Variants in ZBTB16 observed in about 807,000 individuals in gnomAD.
ZBTB16 encodes the protein zinc finger and BTB domain-containing protein 16.
In ZBTB16, 8 loss-of-function variants were observed where a neutral mutation model predicts 56.8. That is an observed-to-expected ratio of 0.14 (90% CI 0.08 to 0.25). The LOEUF (loss-of-function observed/expected upper bound fraction) is 0.25, where lower values mean the gene tolerates loss of function less well. Ranked by LOEUF, ZBTB16 falls within the 10% of genes least tolerant of loss-of-function variation. ZBTB16 has a pLI of 1.00. For synonymous variants in ZBTB16, 363 were observed against 368.5 expected (o/e 0.98, Z 0.17); for missense variants, 625 against 903.0 (o/e 0.69, Z 3.95).
At chr11:114,155,011 C>A (rs151197149) in intron 2 of ZBTB16, among the ~76,000 whole-genome samples, 1 of 151,190 alleles carries the variant, frequency 6.6e-6, no homozygotes, top group Non-Finnish European at 1.5e-5. Flanking sequence ...GTGGGTGGCT[C>A]GGTTTTGCTA....
chr11:114,233,119 ACACACACTCTCTCT>A (rs759989449), intron 4 of ZBTB16, among the ~76,000 whole-genome samples: 1,362 of 61,640 alleles, frequency 0.022, 44 homozygotes, highest in African/African-American at 0.059. Flanking sequence ...ACACACACAC[ACACACACTCTCTCT>A]CTCTCACACT....
intron 4 of ZBTB16, among the ~76,000 whole-genome samples, chr11:114,200,135 A>T (rs924833168): frequency 6.4e-5 from 9 of 140,822 alleles, no homozygotes; most frequent in Non-Finnish European, 1.4e-4. Context: ...CTCAAAAAAA[A>T]AAAAAGAAAA....
In ZBTB16 at chr11:114,250,349, C is replaced by T; in HGVS notation, c.1816C>T (p.Leu606Phe). 1 of 1,613,396 alleles carries T rather than the reference C, an allele frequency of 6.2e-7. No homozygotes were observed. Among genetic ancestry groups the T allele is most frequent in the East Asian group, 2.2e-5 (1 of 44,862 alleles). ...AGGTGAGAAGCCCTTTGAGTGTAAG[C>T]TCTGCCACCAGCGCTCCCGGGACTA... Reference protein sequence around the residue: ...HTGEKPFECKLCHQRSRDYSA... With the variant: ...HTGEKPFECKFCHQRSRDYSA... Residue 606 changes from leucine (L) to phenylalanine (F), a missense_variant, in exon 7 of 7, where the codon CTC (leucine) becomes TTC (phenylalanine). This residue lies in a region of ZBTB16 where 40 missense variants were observed against 93.2 expected (regional missense o/e 0.43). Coordinates refer to ENST00000335953, the MANE Select transcript of ZBTB16 (RefSeq NM_006006.6). The surrounding 1 kb of genome is among the most constrained non-coding windows in gnomAD (Gnocchi z 6.0).
intron 3 of ZBTB16, among the ~76,000 whole-genome samples, chr11:114,172,126 C>A (rs1032496199): frequency 2.6e-5 from 4 of 152,218 alleles, no homozygotes; most frequent in African/African-American, 9.6e-5. Flanking sequence ...TGCTGTGGGT[C>A]CAGCTCCATC....
At chr11:114,144,344 A>G (rs1468711035) in intron 2 of ZBTB16, among the ~76,000 whole-genome samples, 1 of 152,156 alleles carries the variant, frequency 6.6e-6, no homozygotes, top group Non-Finnish European at 1.5e-5. Flanking sequence ...CACACCACAC[A>G]GCCTTGACTG....
intron 2 of ZBTB16, among the ~76,000 whole-genome samples, chr11:114,126,210 G>A (rs1941503427): frequency 1.3e-5 from 2 of 152,194 alleles, no homozygotes; most frequent in South Asian, 4.2e-4. Flanking sequence ...CGTGGATAAT[G>A]CTTTTGTCTA....
In ZBTB16 at chr11:114,064,383, C is replaced by T. The variant is rs758467324; in HGVS notation, c.1083C>T (p.Ala361=). 3 of 1,614,100 alleles carry T rather than the reference C, an allele frequency of 1.9e-6. No homozygotes were observed. In the Admixed American group the frequency reaches 5.0e-5, roughly 27 times the overall value. Residue 361 remains alanine (A), a synonymous_variant, in exon 2 of 7, where the codon GCC becomes GCT. Coordinates refer to ENST00000335953, the MANE Select transcript of ZBTB16 (RefSeq NM_006006.6). The surrounding 1 kb of genome is among the most constrained non-coding windows in gnomAD (Gnocchi z 4.2). ...SVTSGLHVQP[A]LAVSMDFSTY... ...CCTCTGGCCTCCACGTGCAGCCTGC[C>T]CTGGCTGTCTCCATGGACTTCAGCA... is the stretch of plus-strand genomic sequence containing the variant.
chr11:114,182,632 TG>T (rs1943275389), intron 3 of ZBTB16, among the ~76,000 whole-genome samples: 1 of 152,176 alleles, frequency 6.6e-6, no homozygotes, highest in Non-Finnish European at 1.5e-5. Context: ...GGAAATTTTG[TG>T]GGTGTAAATG....
rs1281246589 is a variant in ZBTB16, at chr11:114,230,507, C to G, written c.1454-11660C>G. The stretch of plus-strand genomic sequence containing the variant: ...AGTACGGGAAGGCCGCATGGTGTCT[C>G]TGATATTGATAGCCTGGTTACCGTG... On this transcript the variant is annotated intron_variant, in intron 4 of 6. Transcript: ENST00000335953. Among the ~76,000 whole-genome samples the G allele has an allele frequency of 4.6e-5, 7 of 152,078 alleles. No homozygotes were observed. The East Asian group carries it at 1.4e-3, about 29-fold the overall frequency.
intron 4 of ZBTB16, among the ~76,000 whole-genome samples, chr11:114,234,458 T>C (rs986972800): frequency 6.6e-6 from 1 of 152,212 alleles, no homozygotes; most frequent in African/African-American, 2.4e-5. Context: ...CAGCAGCTGA[T>C]TGGAGTTTCC....
intron 3 of ZBTB16, among the ~76,000 whole-genome samples, chr11:114,162,093 G>A (rs1379499016): frequency 2.0e-5 from 3 of 152,200 alleles, no homozygotes; most frequent in Non-Finnish European, 4.4e-5. Context: ...GAAGGCTTTC[G>A]TTGATAGATT....
chr11:114,209,433 C>T (rs1943953062), intron 4 of ZBTB16: 19 of 985,208 alleles, frequency 1.9e-5, no homozygotes, highest in South Asian at 4.7e-5. Flanking sequence ...CAGGAGACCC[C>T]GGTGCCTGGA....
At chr11:114,144,393 A>G (rs672901) in intron 2 of ZBTB16, among the ~76,000 whole-genome samples, 38,386 of 152,134 alleles carry the variant, frequency 0.25, 6,087 homozygotes, top group East Asian at 0.6. Flanking sequence ...AGTGCTTTCT[A>G]CTGGGGCATT....
Position 114,063,999 on chromosome 11 carries a change from G to A in ZBTB16, c.699G>A (p.Gly233=). The A allele has an allele frequency of 1.2e-6, 2 of 1,613,430 alleles. No individual in the cohort carries two copies. Among genetic ancestry groups the A allele is most frequent in the Non-Finnish European group, 1.7e-6 (2 of 1,179,792 alleles). The part of the protein sequence containing the change: ...GPEEPTLAGG[G]RHPGVAEVKT... ...AGGAGCCAACTCTGGCTGGGGGTGG[G>A]CGGCACCCTGGGGTGGCTGAGGTGA... The change falls in exon 2 of 7, where the codon GGG becomes GGA. Residue 233 remains glycine, a synonymous_variant. Transcript: ENST00000335953. This position sits in a 1 kb window ranked among gnomAD's most constrained non-coding sequence, Gnocchi z 6.5.
chr11:114,100,557 G>A (rs1265462038), intron 2 of ZBTB16, among the ~76,000 whole-genome samples: 1 of 152,168 alleles, frequency 6.6e-6, no homozygotes, highest in Non-Finnish European at 1.5e-5. Context: ...GATGACAAAA[G>A]TGTTTAAACT....
chr11:114,146,082 A>G (rs1942091156), intron 2 of ZBTB16, among the ~76,000 whole-genome samples: 1 of 152,170 alleles, frequency 6.6e-6, no homozygotes, highest in Admixed American at 6.5e-5. Flanking sequence ...AGTCCAGCAT[A>G]CGGTAGGCGC....
intron 5 of ZBTB16, among the ~76,000 whole-genome samples, chr11:114,245,678 C>G (rs896123208): frequency 1.3e-5 from 2 of 152,106 alleles, no homozygotes; most frequent in African/African-American, 2.4e-5. Flanking sequence ...TGCCCAGGCA[C>G]GAGCGCAGTT....
chr11:114,184,790 C>T (rs1237055011), intron 3 of ZBTB16, among the ~76,000 whole-genome samples: 4 of 152,322 alleles, frequency 2.6e-5, no homozygotes, highest in South Asian at 4.1e-4. Flanking sequence ...TGATTTGAAA[C>T]AGCACTGTGG....
intron 3 of ZBTB16, among the ~76,000 whole-genome samples, chr11:114,174,650 T>TCAACAAATG (rs2135021703): frequency 6.6e-6 from 1 of 152,344 alleles, no homozygotes; most frequent in African/African-American, 2.4e-5. Flanking sequence ...AGGTAATATT[T>TCAACAAATG]CAACAAATGA....
Sources: allele counts gnomAD v4.1 joint callset (sites outside exome capture counted in the v4.1 genomes callset), GRCh38; gene constraint gnomAD v4.1.1; regional missense constraint gnomAD v4.1.1; non-coding constraint Gnocchi (gnomAD v3.1); transcripts MANE v1.5; gene names NCBI Gene and HGNC (gene_info 2026-07-23, HGNC 2026-07-21).